CNTNAP2: variants seen among roughly 807,000 people sequenced by gnomAD.
The protein encoded by CNTNAP2 is contactin associated protein 2, also known as contactin-associated protein-like 2.
A neutral mutation model predicts 155.2 loss-of-function variants in CNTNAP2; 98 were observed. That is an observed-to-expected ratio of 0.63 (90% CI 0.54 to 0.75). CNTNAP2 has a LOEUF of 0.75. CNTNAP2 is among the 30% of genes least tolerant of loss of function. The pLI is 0.00. For synonymous variants in CNTNAP2, 651 were observed against 631.2 expected (o/e 1.03, Z -0.47); for missense variants, 1,727 against 1,688.1 (o/e 1.02, Z -0.40).
intron 3 of CNTNAP2, among the ~76,000 whole-genome samples, chr7:146,983,422 CAA>C (rs201659218): frequency 6.6e-6 from 1 of 151,348 alleles, no homozygotes; most frequent in Non-Finnish European, 1.5e-5. Flanking sequence ...AAAACATAGA[CAA>C]AAAAAACAGA....
chr7:146,809,545 G>A (rs376368379), intron 2 of CNTNAP2, among the ~76,000 whole-genome samples: 1 of 151,880 alleles, frequency 6.6e-6, no homozygotes, highest in Non-Finnish European at 1.5e-5. Flanking sequence ...TGTATTTTTA[G>A]TAGAGACGGG....
intron 13 of CNTNAP2, among the ~76,000 whole-genome samples, chr7:147,665,297 T>C (rs376826181): frequency 3.3e-5 from 5 of 152,356 alleles, no homozygotes; most frequent in African/African-American, 1.2e-4. Flanking sequence ...ATGCAGAAGA[T>C]AGTATAGTTC....
chr7:148,397,401 G>C (rs531170906), intron 22 of CNTNAP2, among the ~76,000 whole-genome samples: 2 of 152,306 alleles, frequency 1.3e-5, no homozygotes, highest in African/African-American at 4.8e-5. Context: ...ATATATTTCA[G>C]ATTCAGTTAT....
At chr7:146,320,293 G>A (rs1310125739) in intron 1 of CNTNAP2, among the ~76,000 whole-genome samples, 1 of 152,016 alleles carries the variant, frequency 6.6e-6, no homozygotes, top group Non-Finnish European at 1.5e-5. Context: ...TCTGTTTTGT[G>A]TGGTGTCCTA....
At chr7:146,389,439 C>A (rs975999962) in intron 1 of CNTNAP2, among the ~76,000 whole-genome samples, 1 of 151,898 alleles carries the variant, frequency 6.6e-6, no homozygotes, top group Admixed American at 6.6e-5. Flanking sequence ...TTCCTACTAT[C>A]TTTTCTATCC....
intron 9 of CNTNAP2, among the ~76,000 whole-genome samples, chr7:147,349,204 C>A (rs1563170126): frequency 6.6e-6 from 1 of 151,768 alleles, no homozygotes; most frequent in Non-Finnish European, 1.5e-5. Flanking sequence ...CCTAATCTGA[C>A]CGTTATACAT....
intron 1 of CNTNAP2, among the ~76,000 whole-genome samples, chr7:146,187,817 T>G (rs537618578): frequency 5.1e-4 from 77 of 152,286 alleles, no homozygotes; most frequent in Middle Eastern, 3.4e-3. Context: ...TGACAAATCA[T>G]GGATTATTAT....
intron 9 of CNTNAP2, among the ~76,000 whole-genome samples, chr7:147,368,089 C>G (rs967831700): frequency 6.7e-4 from 30 of 44,634 alleles, no homozygotes; most frequent in African/African-American, 1.8e-3. Context: ...TTTCCTCTCT[C>G]TCTCTGTCAC....
At chr7:146,453,599 A>G (rs1796513160) in intron 1 of CNTNAP2, among the ~76,000 whole-genome samples, 1 of 152,178 alleles carries the variant, frequency 6.6e-6, no homozygotes, top group Non-Finnish European at 1.5e-5. Context: ...ATCCAAAACA[A>G]TCAATCAATA....
chr7:147,933,668 C>T (rs1316167894), intron 14 of CNTNAP2, among the ~76,000 whole-genome samples: 1 of 152,056 alleles, frequency 6.6e-6, no homozygotes, highest in African/African-American at 2.4e-5. Flanking sequence ...TGTTCGGGAC[C>T]AGCCTGACCA....
intron 21 of CNTNAP2, among the ~76,000 whole-genome samples, chr7:148,369,480 A>C (rs1798849071): frequency 6.6e-6 from 1 of 151,762 alleles, no homozygotes; most frequent in African/African-American, 2.4e-5. Flanking sequence ...CCTGGCCTCA[A>C]GTGATCCAAA....
At chr7:146,561,333 G>A (rs1484897942) in intron 1 of CNTNAP2, among the ~76,000 whole-genome samples, 2 of 152,116 alleles carry the variant, frequency 1.3e-5, no homozygotes, top group African/African-American at 4.8e-5. Flanking sequence ...ATGGCACACA[G>A]GTCAGAATAG....
intron 12 of CNTNAP2, among the ~76,000 whole-genome samples, chr7:147,603,384 A>G (rs1490600730): frequency 1.3e-5 from 2 of 152,154 alleles, no homozygotes; most frequent in Non-Finnish European, 2.9e-5. Flanking sequence ...CTCAGGATAC[A>G]AAATCAATGT....
chr7:146,751,204 C>CATACAAATTTGAGTATACAAATTT (rs1801897321), intron 1 of CNTNAP2, among the ~76,000 whole-genome samples: 9 of 152,108 alleles, frequency 5.9e-5, no homozygotes, highest in African/African-American at 2.2e-4. Context: ...TGCTCAAATT[C>CATACAAATTTGAGTATACAAATTT]GAGCATACAA....
chr7:148,341,864 G>C (rs145178897), intron 21 of CNTNAP2, among the ~76,000 whole-genome samples: 84 of 152,292 alleles, frequency 5.5e-4, no homozygotes, highest in African/African-American at 1.9e-3. Context: ...ATTTGACCCA[G>C]TCTCTAATTT....
At chr7:148,316,344 T>C (rs993314286) in intron 21 of CNTNAP2, among the ~76,000 whole-genome samples, 1 of 82,918 alleles carries the variant, frequency 1.2e-5, no homozygotes, top group Non-Finnish European at 3.0e-5. Context: ...ATAATAAAAA[T>C]ATATTAAAAA....
chr7:146,896,496 T>C (rs1242538180), intron 3 of CNTNAP2, among the ~76,000 whole-genome samples: 1 of 152,106 alleles, frequency 6.6e-6, no homozygotes, highest in Non-Finnish European at 1.5e-5. Flanking sequence ...TTTTAAATAT[T>C]TCTCAGTCAC....
chr7:146,768,922 A>C (rs1051077317), intron 1 of CNTNAP2, among the ~76,000 whole-genome samples: 29 of 152,188 alleles, frequency 1.9e-4, no homozygotes, highest in African/African-American at 7.2e-5. Context: ...TATATTCTGA[A>C]GTCCTTTAAT....
At chr7:147,044,110 G>T (rs1584801324) in intron 4 of CNTNAP2, 56 bp downstream of exon 4, 2 of 1,595,372 alleles carry the variant, frequency 1.3e-6, no homozygotes, top group South Asian at 2.2e-5. Flanking sequence ...TAAATAGTAA[G>T]CTGTTTTATT....
Sources: gnomAD v4.1 joint callset for allele counts (sites outside exome capture counted in the v4.1 genomes callset) on GRCh38, gnomAD v4.1.1 for gene constraint, MANE v1.5 for transcripts, NCBI Gene and HGNC (gene_info 2026-07-23, HGNC 2026-07-21) for gene names.